GNA14: variants seen among roughly 807,000 people sequenced by gnomAD.
GNA14 encodes guanine nucleotide-binding protein subunit alpha-14.
In GNA14, 50 loss-of-function variants were observed where a neutral mutation model predicts 42.0. The observed-to-expected ratio is 1.19, with a 90% CI of 0.95 to 1.51. GNA14 has a LOEUF of 1.51. Among genes scored for constraint, GNA14 ranks in the 40% most tolerant of loss-of-function variants. The pLI, the probability that GNA14 is intolerant of heterozygous loss-of-function variation, is 0.00. For missense variants in GNA14, 473 were observed against 446.2 expected (o/e 1.06, Z -0.54); for synonymous variants, 173 against 163.1 (o/e 1.06, Z -0.46).
chr9:77,628,519 G>T (rs1824046344), intron 1 of GNA14, among the ~76,000 whole-genome samples: 1 of 152,124 alleles, frequency 6.6e-6, no homozygotes, highest in South Asian at 2.1e-4. Flanking sequence ...AAAACAGCAT[G>T]GTACTGGTAC....
chr9:77,589,587 T>A lies in GNA14; in HGVS notation c.124+58083A>T, dbSNP rs150711566. 6.8e-4 allele frequency among the ~76,000 whole-genome samples: 103 copies of A among 152,292 alleles called. 3 individuals are homozygous for A. In the East Asian group the frequency reaches 0.017, roughly 25 times the overall value. On this transcript the variant is annotated intron_variant, in intron 1 of 6. Transcript: ENST00000341700. ...GAAAGGGGAGAGGGTTGTTTGCTCA[T>A]CCAGGGTGGAGAAACCTCTGAGAGT...
chr9:77,477,493 C>G (rs1186707349), intron 2 of GNA14, among the ~76,000 whole-genome samples: 1 of 152,168 alleles, frequency 6.6e-6, no homozygotes, highest in African/African-American at 2.4e-5. Flanking sequence ...CAGACCTGCT[C>G]AGGAGAAAAA....
intron 2 of GNA14, among the ~76,000 whole-genome samples, chr9:77,438,207 G>A (rs1835669646): frequency 6.6e-6 from 1 of 152,078 alleles, no homozygotes; most frequent in Non-Finnish European, 1.5e-5. Context: ...GACTGCACCT[G>A]AGAGGACCAG....
At position 77,592,258 on chromosome 9, in the gene GNA14, A is replaced by T. The variant is rs117126851; in HGVS notation, c.124+55412T>A. Among the ~76,000 whole-genome samples, 506 of 152,150 alleles carry T rather than the reference A, an allele frequency of 3.3e-3. 4 individuals are homozygous for T. The highest frequency in any genetic ancestry group is 5.0e-3 in the Non-Finnish European group (340 of 67,986). On this transcript the variant is annotated intron_variant, in intron 1 of 6. Transcript: ENST00000341700. Reference sequence around the variant, plus strand: ...TGCTTGAATCCATTCCTAACATCTAAGTAGGAGGTTGTGAACTAATAACTG... The same window carrying T: ...TGCTTGAATCCATTCCTAACATCTATGTAGGAGGTTGTGAACTAATAACTG...
intron 1 of GNA14, among the ~76,000 whole-genome samples, chr9:77,640,469 A>T (rs1204925868): frequency 6.6e-6 from 1 of 152,194 alleles, no homozygotes; most frequent in Non-Finnish European, 1.5e-5. Flanking sequence ...AAAGCAAAAG[A>T]TGACAGACTA....
intron 2 of GNA14, among the ~76,000 whole-genome samples, chr9:77,464,903 G>A (rs182966086): frequency 6.6e-6 from 1 of 152,272 alleles, no homozygotes; most frequent in East Asian, 1.9e-4. Context: ...CACACAGAGA[G>A]GAGAATGCCG....
intron 1 of GNA14, among the ~76,000 whole-genome samples, chr9:77,630,869 G>A (rs1824086380): frequency 6.6e-6 from 1 of 152,138 alleles, no homozygotes; most frequent in South Asian, 2.1e-4. Context: ...AAGATGGGAG[G>A]ATGAGAGACA....
chr9:77,534,943 C>G (rs1256071920), intron 1 of GNA14, among the ~76,000 whole-genome samples: 2 of 152,180 alleles, frequency 1.3e-5, no homozygotes, highest in Non-Finnish European at 2.9e-5. Context: ...TGCAAAGCAA[C>G]CTCACCAGTG....
chr9:77,612,196 G>A (rs974681487), intron 1 of GNA14, among the ~76,000 whole-genome samples: 1 of 152,126 alleles, frequency 6.6e-6, no homozygotes, highest in Non-Finnish European at 1.5e-5. Flanking sequence ...CAGCTGGAAA[G>A]TAGACACCAA....
At chr9:77,597,763 T>C (rs1281113975) in intron 1 of GNA14, among the ~76,000 whole-genome samples, 2 of 152,092 alleles carry the variant, frequency 1.3e-5, no homozygotes, top group African/African-American at 4.8e-5. Context: ...TAAAATTTTC[T>C]ATTAAAAAAC....
intron 1 of GNA14, among the ~76,000 whole-genome samples, chr9:77,586,545 GAAGT>G (rs1031544098): frequency 5.8e-4 from 88 of 152,322 alleles, no homozygotes; most frequent in African/African-American, 2.1e-3. Context: ...GGACACTCAA[GAAGT>G]AAGTTTAAGA....
At chr9:77,526,881 C>T (rs1254387326) in intron 2 of GNA14, among the ~76,000 whole-genome samples, 1 of 152,144 alleles carries the variant, frequency 6.6e-6, no homozygotes, top group Non-Finnish European at 1.5e-5. Context: ...TGGTAGATGT[C>T]AAACCACATA....
chr9:77,534,681 T>C (rs537848040), intron 1 of GNA14, among the ~76,000 whole-genome samples: 230 of 152,298 alleles, frequency 1.5e-3, no homozygotes, highest in Non-Finnish European at 2.6e-3. Context: ...GCTGTCTAAA[T>C]CATCTATGTG....
intron 2 of GNA14, among the ~76,000 whole-genome samples, chr9:77,447,130 A>C (rs1201206344): frequency 1.3e-5 from 2 of 152,110 alleles, no homozygotes; most frequent in East Asian, 3.9e-4. Flanking sequence ...CGCCGAGTAG[A>C]GATGGGGTTT....
chr9:77,548,233 G>A (rs1256174179), intron 1 of GNA14, among the ~76,000 whole-genome samples: 2 of 152,162 alleles, frequency 1.3e-5, no homozygotes, highest in Non-Finnish European at 2.9e-5. Context: ...TTCTTTGCTT[G>A]TGGCAGTGTA....
intron 1 of GNA14, among the ~76,000 whole-genome samples, chr9:77,589,810 A>G (rs1330327978): frequency 1.3e-5 from 2 of 152,208 alleles, no homozygotes; most frequent in Non-Finnish European, 2.9e-5. Flanking sequence ...TTGACTTCCT[A>G]AAACAACACA....
chr9:77,459,296 T>C (rs1334068459), intron 2 of GNA14, among the ~76,000 whole-genome samples: 2 of 152,012 alleles, frequency 1.3e-5, no homozygotes, highest in African/African-American at 4.8e-5. Flanking sequence ...TTAGGTATAT[T>C]TTACCACAAT....
intron 2 of GNA14, among the ~76,000 whole-genome samples, chr9:77,501,786 C>T (rs948300858): frequency 1.2e-4 from 17 of 147,404 alleles, no homozygotes; most frequent in African/African-American, 4.3e-4. Context: ...TCTCGGCTCA[C>T]TGCAAGCTCC....
At chr9:77,630,185 G>A (rs553184414) in intron 1 of GNA14, among the ~76,000 whole-genome samples, 9 of 150,680 alleles carry the variant, frequency 6.0e-5, no homozygotes, top group South Asian at 2.1e-4. Context: ...GCAATATGTC[G>A]AGGCTCATTG....
Sources: gnomAD v4.1 joint callset for allele counts (sites outside exome capture counted in the v4.1 genomes callset) on GRCh38, gnomAD v4.1.1 for gene constraint, MANE v1.5 for transcripts, NCBI Gene and HGNC (gene_info 2026-07-23, HGNC 2026-07-21) for gene names.